Variants in EYS observed in about 807,000 individuals in gnomAD.
EYS encodes protein eyes shut homolog.
Under a neutral mutation model 282.1 loss-of-function variants are expected in EYS, and 250 were observed. The ratio of observed to expected loss-of-function variants is 0.89; its 90% confidence interval spans 0.80 to 0.98. The LOEUF (loss-of-function observed/expected upper bound fraction) is 0.98, where lower values mean the gene tolerates loss of function less well. Ranked by LOEUF, EYS falls within the 50% of genes least tolerant of loss-of-function variation. The pLI is 0.00. For synonymous variants in EYS, 1,355 were observed against 1,282.9 expected, an observed-to-expected ratio of 1.06 and a Z score of -1.20; for missense variants, 4,016 against 3,709.0, an observed-to-expected ratio of 1.08 and a Z score of -2.15.
chr6:64,003,895 A>G (rs1768213845), intron 33 of EYS, among the ~76,000 whole-genome samples: 1 of 152,194 alleles, frequency 6.6e-6, no homozygotes, highest in Admixed American at 6.5e-5. Context: ...CATCACATGA[A>G]GAAGGACATG....
chr6:64,060,427 C>A (rs1420318089), intron 33 of EYS, among the ~76,000 whole-genome samples: 1 of 152,054 alleles, frequency 6.6e-6, no homozygotes, highest in Non-Finnish European at 1.5e-5. Context: ...TGATGTTGAG[C>A]AGAGGTGTCT....
rs7739137 is a variant in EYS at position 63,975,952 on chromosome 6, G to A, written c.7055+8431C>T. 1.4e-4 allele frequency among the ~76,000 whole-genome samples: 22 copies of A among 151,874 alleles called. 1 individual carries two copies. The Middle Eastern group carries it at 0.014, about 94-fold the overall frequency. ...GGCATAGCTTACTATCCACCTAGGC[G>A]ATACAGTATGGTCTATTGCTCCTGA... On this transcript the variant is annotated intron_variant, in intron 35 of 42. Coordinates refer to ENST00000503581, the MANE Select transcript of EYS (RefSeq NM_001142800.2).
At chr6:63,895,905 GTT>G (rs10705427) in intron 35 of EYS, among the ~76,000 whole-genome samples, 120 of 124,264 alleles carry the variant, frequency 9.7e-4, no homozygotes, top group African/African-American at 3.8e-3. Context: ...ATCATGATTT[GTT>G]TTTTTTTTTT....
At chr6:64,657,294 T>G (rs1321646741) in intron 22 of EYS, among the ~76,000 whole-genome samples, 1 of 152,232 alleles carries the variant, frequency 6.6e-6, no homozygotes, top group Non-Finnish European at 1.5e-5. Context: ...CTGATGGGTC[T>G]TGACTTTTTA....
At chr6:65,558,397 G>A (rs1021091004) in intron 2 of EYS, among the ~76,000 whole-genome samples, 3 of 152,222 alleles carry the variant, frequency 2.0e-5, no homozygotes, top group African/African-American at 7.2e-5. Flanking sequence ...GCAGGCATTG[G>A]GAGTGCGGAG....
At chr6:64,360,591 G>T (rs1309002947) in intron 29 of EYS, among the ~76,000 whole-genome samples, 1 of 151,558 alleles carries the variant, frequency 6.6e-6, no homozygotes, top group African/African-American at 2.4e-5. Flanking sequence ...TAAAATTTTT[G>T]GAAATTCAAT....
chr6:64,037,765 C>A (rs1280732047), intron 33 of EYS, among the ~76,000 whole-genome samples: 1 of 152,152 alleles, frequency 6.6e-6, no homozygotes, highest in Non-Finnish European at 1.5e-5. Context: ...TGATTTTTCA[C>A]CTCCTCCTAA....
At chr6:64,080,588 T>C (rs1308306815) in intron 32 of EYS, among the ~76,000 whole-genome samples, 3 of 152,246 alleles carry the variant, frequency 2.0e-5, no homozygotes, top group Non-Finnish European at 4.4e-5. Flanking sequence ...ATTTTGGCTT[T>C]TGTTGCCATT....
chr6:63,917,785 C>T (rs979835452), intron 35 of EYS, among the ~76,000 whole-genome samples: 2 of 152,154 alleles, frequency 1.3e-5, no homozygotes, highest in African/African-American at 4.8e-5. Context: ...TGTATGCTCC[C>T]ATTGGTGTGT....
At position 65,403,212 on chromosome 6, in the gene EYS, G is replaced by T. The variant is rs547100448; in HGVS notation, c.1057-607C>A. Among the ~76,000 whole-genome samples the T allele has an allele frequency of 2.6e-5, 4 of 152,074 alleles. 1 individual carries two copies. Among genetic ancestry groups the T allele is most frequent in the South Asian group, 2.1e-4 (1 of 4,816 alleles). ...TTATTTTAAGCCACCAAGTTTTGGG[G>T]TGACTATGCATAGAAAATAAACCAT... On this transcript the variant is annotated intron_variant, in intron 6 of 42. Transcript: ENST00000503581.
chr6:64,900,125 T>C (rs1424962999), intron 18 of EYS, among the ~76,000 whole-genome samples: 3 of 152,102 alleles, frequency 2.0e-5, no homozygotes, highest in African/African-American at 7.2e-5. Context: ...AAACAAGCAA[T>C]GGGGAAAGGA....
intron 31 of EYS, among the ~76,000 whole-genome samples, chr6:64,133,878 C>T (rs548926507): frequency 6.6e-6 from 1 of 151,314 alleles, no homozygotes; most frequent in East Asian, 1.9e-4. Flanking sequence ...AGGTTTATCT[C>T]TAAGTATCCC....
At chr6:63,949,956 G>A (rs376666383) in intron 35 of EYS, among the ~76,000 whole-genome samples, 5 of 152,048 alleles carry the variant, frequency 3.3e-5, no homozygotes, top group East Asian at 1.9e-4. Context: ...GGTGGATCAC[G>A]AGGTCAGGAG....
chr6:64,494,030 C>T (rs1776816008), intron 26 of EYS, among the ~76,000 whole-genome samples: 1 of 151,688 alleles, frequency 6.6e-6, no homozygotes. Flanking sequence ...ACAGTATCTT[C>T]ACTAGAACAT....
At chr6:63,981,097 GTGTCCTACCTC>G (rs1767067950) in intron 35 of EYS, among the ~76,000 whole-genome samples, 1 of 151,776 alleles carries the variant, frequency 6.6e-6, no homozygotes, top group Non-Finnish European at 1.5e-5. Flanking sequence ...ATGGCCCTCT[GTGTCCTACCTC>G]TTTGACCCAT....
intron 16 of EYS, among the ~76,000 whole-genome samples, chr6:64,908,215 C>T (rs1037850368): frequency 4.6e-5 from 7 of 152,018 alleles, no homozygotes; most frequent in South Asian, 2.1e-4. Context: ...AGCACATATG[C>T]CAGCAAGTGC....
At chr6:64,588,657 G>C (rs946739824) in intron 26 of EYS, among the ~76,000 whole-genome samples, 1 of 151,908 alleles carries the variant, frequency 6.6e-6, no homozygotes, top group Non-Finnish European at 1.5e-5. Flanking sequence ...AGAACTGTAA[G>C]GTCCTTAGTT....
chr6:64,231,701 A>G (rs1766431258), intron 30 of EYS, among the ~76,000 whole-genome samples: 1 of 152,116 alleles, frequency 6.6e-6, no homozygotes, highest in African/African-American at 2.4e-5. Context: ...AGATGTATAT[A>G]TTCATTGTTT....
intron 12 of EYS, among the ~76,000 whole-genome samples, chr6:65,065,384 ATTT>A (rs34618936): frequency 7.0e-6 from 1 of 142,966 alleles, no homozygotes. Context: ...GAAAAAAACA[ATTT>A]TTTTTTTTTT....
Sources: gnomAD v4.1 joint callset for allele counts (sites outside exome capture counted in the v4.1 genomes callset) on GRCh38, gnomAD v4.1.1 for gene constraint, MANE v1.5 for transcripts, NCBI Gene and HGNC (gene_info 2026-07-23, HGNC 2026-07-21) for gene names.